Variants in THRB observed in about 807,000 individuals in gnomAD.
THRB encodes the protein thyroid hormone receptor beta.
THRB carries 12 observed loss-of-function variants against 47.8 expected under a neutral mutation model. The ratio of observed to expected loss-of-function variants is 0.25; its 90% CI spans 0.16 to 0.41. The LOEUF (loss-of-function observed/expected upper bound fraction) is 0.41. Among genes scored for constraint, THRB ranks in the 10% least tolerant of loss-of-function variants. THRB has a pLI of 1.00. For synonymous variants in THRB, 218 were observed against 212.2 expected, an observed-to-expected ratio of 1.03 and a Z score of -0.24; for missense variants, 348 against 589.2, an observed-to-expected ratio of 0.59 and a Z score of 4.24.
chr3:24,440,837 A>C (rs527350547), intron 1 of THRB, among the ~76,000 whole-genome samples: 1 of 152,346 alleles, frequency 6.6e-6, no homozygotes, highest in East Asian at 1.9e-4. Context: ...GCAAGAGACT[A>C]AATGACTAAA....
chr3:24,244,081 G>C (rs1396048282), intron 3 of THRB, among the ~76,000 whole-genome samples: 4 of 152,120 alleles, frequency 2.6e-5, no homozygotes, highest in African/African-American at 9.7e-5. Context: ...GGGTGGTGGG[G>C]GTGAGGGATT....
chr3:24,375,971 G>A (rs2065258136), intron 1 of THRB, among the ~76,000 whole-genome samples: 1 of 152,058 alleles, frequency 6.6e-6, no homozygotes, highest in African/African-American at 2.4e-5. Flanking sequence ...TCTCACAAAG[G>A]ATTTACCCCC....
At chr3:24,263,581 C>A (rs2052317089) in intron 3 of THRB, among the ~76,000 whole-genome samples, 1 of 150,396 alleles carries the variant, frequency 6.6e-6, no homozygotes, top group East Asian at 1.9e-4. Flanking sequence ...TAATGACACA[C>A]TAGATAGTAA....
intron 1 of THRB, among the ~76,000 whole-genome samples, chr3:24,373,281 T>A (rs746335834): frequency 6.6e-6 from 1 of 152,154 alleles, no homozygotes; most frequent in South Asian, 2.1e-4. Flanking sequence ...TCTGGAGAGA[T>A]AATGTATGTG....
At chr3:24,418,838 T>C (rs1208975992) in intron 1 of THRB, among the ~76,000 whole-genome samples, 1 of 152,014 alleles carries the variant, frequency 6.6e-6, no homozygotes, top group Non-Finnish European at 1.5e-5. Context: ...CTTTTGGGAC[T>C]ACATTTTTTT....
chr3:24,449,325 T>C (rs2072414664), intron 1 of THRB, among the ~76,000 whole-genome samples: 2 of 152,188 alleles, frequency 1.3e-5, no homozygotes, highest in Admixed American at 1.3e-4. Context: ...GTCACTTTCA[T>C]ATTAATATTC....
At chr3:24,209,215 G>A (rs1266442144) in intron 4 of THRB, among the ~76,000 whole-genome samples, 5 of 152,218 alleles carry the variant, frequency 3.3e-5, no homozygotes, top group Non-Finnish European at 2.9e-5. Context: ...GGAGAAATAG[G>A]AACACTTTTA....
intron 1 of THRB, among the ~76,000 whole-genome samples, chr3:24,448,095 A>C (rs62255443): frequency 0.87 from 132,011 of 151,980 alleles, 57,779 homozygotes; most frequent in Middle Eastern, 0.94. Flanking sequence ...GTTGGGTGAC[A>C]ACTGAATTAT....
intron 2 of THRB, among the ~76,000 whole-genome samples, chr3:24,308,598 A>T (rs1050197412): frequency 2.0e-5 from 3 of 152,178 alleles, no homozygotes; most frequent in Non-Finnish European, 4.4e-5. Context: ...GGAGAATGGA[A>T]AATTGTTTTA....
At chr3:24,338,630 G>A (rs955908615) in intron 1 of THRB, among the ~76,000 whole-genome samples, 1 of 152,322 alleles carries the variant, frequency 6.6e-6, no homozygotes, top group Non-Finnish European at 1.5e-5. Context: ...ATGTGTGGGT[G>A]TGCATATGTA....
chr3:24,321,834 C>T (rs138853818), intron 2 of THRB, among the ~76,000 whole-genome samples: 21 of 152,200 alleles, frequency 1.4e-4, no homozygotes, highest in African/African-American at 5.1e-4. Flanking sequence ...ATAAGATACA[C>T]ACTAGATTTT....
intron 1 of THRB, among the ~76,000 whole-genome samples, chr3:24,350,555 G>T (rs2063301131): frequency 6.6e-6 from 1 of 152,128 alleles, no homozygotes; most frequent in African/African-American, 2.4e-5. Flanking sequence ...CCAGACACAA[G>T]AAAGTATATT....
At chr3:24,472,222 A>G (rs1694808449) in intron 1 of THRB, among the ~76,000 whole-genome samples, 1 of 152,198 alleles carries the variant, frequency 6.6e-6, no homozygotes, top group Non-Finnish European at 1.5e-5. Flanking sequence ...GCTATGTTAT[A>G]TCAATACTAC....
intron 1 of THRB, chr3:24,493,973 C>T (rs1698595725): frequency 6.6e-6 from 1 of 152,244 alleles, no homozygotes; most frequent in Non-Finnish European, 1.5e-5. Context: ...GGTATCACAA[C>T]CAACTCGAGG....
chr3:24,408,723 C>G (rs912936821), intron 1 of THRB, among the ~76,000 whole-genome samples: 2 of 151,690 alleles, frequency 1.3e-5, no homozygotes, highest in African/African-American at 4.8e-5. Flanking sequence ...TGGCAAAGAC[C>G]TTTACATCAA....
intron 10 of THRB, among the ~76,000 whole-genome samples, chr3:24,124,260 T>A (rs2032279357): frequency 6.6e-6 from 1 of 152,204 alleles, no homozygotes; most frequent in African/African-American, 2.4e-5. Context: ...GAATCCCCTA[T>A]TTAGCACAAA....
At chr3:24,458,219 G>A (rs1033505261) in intron 1 of THRB, 3 of 152,166 alleles carry the variant, frequency 2.0e-5, no homozygotes, top group African/African-American at 4.8e-5. Flanking sequence ...ATCATTTCTT[G>A]TTCCTAGGAG....
chr3:24,413,365 T>TTTG (rs1255631909), intron 1 of THRB, among the ~76,000 whole-genome samples: 1 of 151,872 alleles, frequency 6.6e-6, no homozygotes, highest in East Asian at 2.0e-4. Flanking sequence ...GTCCACATTC[T>TTTG]AATCCTCTTC....
At chr3:24,139,902 A>G (rs750043451) in intron 8 of THRB, among the ~76,000 whole-genome samples, 30 of 152,212 alleles carry the variant, frequency 2.0e-4, no homozygotes, top group Middle Eastern at 3.2e-3. Flanking sequence ...TTTTGGAACA[A>G]AATGGGACAT....
Sources: gnomAD v4.1 joint callset for allele counts (sites outside exome capture counted in the v4.1 genomes callset) on GRCh38, gnomAD v4.1.1 for gene constraint, MANE v1.5 for transcripts, NCBI Gene and HGNC (gene_info 2026-07-23, HGNC 2026-07-21) for gene names.